TAF3: variants seen among roughly 807,000 people sequenced by gnomAD.
The protein encoded by TAF3 is TATA-box binding protein associated factor 3, also known as transcription initiation factor TFIID subunit 3.
TAF3 carries 7 observed loss-of-function variants against 80.6 expected under a neutral mutation model. The observed-to-expected ratio is 0.09, with a 90% CI of 0.05 to 0.16. TAF3 has a LOEUF of 0.16. Among genes scored for constraint, TAF3 ranks in the 10% least tolerant of loss-of-function variants. The probability of loss-of-function intolerance (pLI) is 1.00; values close to 1 mark genes in which losing one functional copy is unlikely to be tolerated. For missense variants in TAF3, 921 were observed against 1,140.2 expected (o/e 0.81, Z 2.77); for synonymous variants, 444 against 446.1 (o/e 1.00, Z 0.06).
chr10:8,014,071 C>G (rs943078807), intron 6 of TAF3, among the ~76,000 whole-genome samples: 2 of 145,136 alleles, frequency 1.4e-5, no homozygotes, highest in African/African-American at 4.9e-5. Flanking sequence ...CTTATCTATC[C>G]TTCTTATTAA....
At chr10:7,996,333 G>T (rs1286595350) in intron 4 of TAF3, among the ~76,000 whole-genome samples, 2 of 152,154 alleles carry the variant, frequency 1.3e-5, no homozygotes, top group Non-Finnish European at 2.9e-5. Flanking sequence ...CCACAGTGTA[G>T]CTGGCTGTCC....
intron 4 of TAF3, among the ~76,000 whole-genome samples, chr10:7,984,888 C>G (rs1831761526): frequency 6.6e-6 from 1 of 152,178 alleles, no homozygotes; most frequent in Admixed American, 6.5e-5. Context: ...ACTACTCACA[C>G]TTCTGGCATT....
chr10:7,984,797 C>A (rs1474349701), intron 4 of TAF3, among the ~76,000 whole-genome samples: 1 of 152,142 alleles, frequency 6.6e-6, no homozygotes, highest in Non-Finnish European at 1.5e-5. Flanking sequence ...TGTTCCTTAA[C>A]CTGTGACAGG....
Position 7,990,727 on chromosome 10 carries a change from A to C in TAF3, c.2315+13404A>C, listed in dbSNP as rs116177008. Among the ~76,000 whole-genome samples the C allele has an allele frequency of 7.4e-3, 1,134 of 152,306 alleles. 18 individuals carry two copies. The highest frequency in any genetic ancestry group is 0.026 in the African/African-American group (1,074 of 41,552). ...CAATTCAGAGATTCCCCATCAGTTC[A>C]AAGGTCTCTGTAGGGCCTGTATTGT... On this transcript the variant is annotated intron_variant, in intron 4 of 6. Transcript: ENST00000344293.
chr10:7,992,442 G>A (rs866124807), intron 4 of TAF3, among the ~76,000 whole-genome samples: 16 of 152,198 alleles, frequency 1.1e-4, no homozygotes, highest in Middle Eastern at 6.8e-3. Context: ...CACAGTAGAC[G>A]GTAGGAAGTG....
chr10:7,971,805 G>T (rs930239830), intron 3 of TAF3, among the ~76,000 whole-genome samples: 2 of 152,156 alleles, frequency 1.3e-5, no homozygotes, highest in African/African-American at 4.8e-5. Context: ...GAGGTGTGTG[G>T]CGAAGAAGCT....
intron 4 of TAF3, among the ~76,000 whole-genome samples, chr10:7,983,712 A>G (rs115092760): frequency 0.024 from 3,644 of 152,162 alleles, 155 homozygotes; most frequent in African/African-American, 0.082. Context: ...AGTGGCGTGC[A>G]CCTATACTCC....
chr10:7,964,773 T>C lies in TAF3; in HGVS notation c.1263T>C (p.Thr421=), dbSNP rs1294478053. ...SGSESEGDIF[T]SPKRISGPEC... The stretch of plus-strand genomic sequence containing the variant: ...CGGAATCTGAAGGAGACATTTTTAC[T>C]AGCCCTAAGAGAATTTCAGGCCCGG... The change falls in exon 3 of 7, where the codon ACT becomes ACC. Residue 421 remains threonine, a synonymous_variant. Coordinates refer to ENST00000344293, the MANE Select transcript of TAF3 (RefSeq NM_031923.4). This position sits in a 1 kb window ranked among gnomAD's most constrained non-coding sequence, Gnocchi z 4.1. The C allele has an allele frequency of 3.1e-6, 5 of 1,614,204 alleles. No homozygotes were observed. Among genetic ancestry groups the C allele is most frequent in the South Asian group, 1.1e-5 (1 of 91,082 alleles).
intron 4 of TAF3, among the ~76,000 whole-genome samples, chr10:7,988,600 A>AAAAAAAC (rs1831801807): frequency 7.0e-6 from 1 of 143,146 alleles, no homozygotes; most frequent in Non-Finnish European, 1.5e-5. Flanking sequence ...AAAAAAAAAA[A>AAAAAAAC]AGAAGCCAGA....
chr10:7,860,290 G>GA (rs928520189), intron 2 of TAF3, among the ~76,000 whole-genome samples: 71 of 135,756 alleles, frequency 5.2e-4, no homozygotes, highest in East Asian at 1.5e-3. Context: ...AAAAAAAGAA[G>GA]AAAAAAAAAA....
intron 3 of TAF3, among the ~76,000 whole-genome samples, chr10:7,976,413 ATT>A (rs1220558314): frequency 1.6e-4 from 21 of 128,588 alleles, no homozygotes; most frequent in East Asian, 2.2e-4. Context: ...TGACTGGCTA[ATT>A]TTTTTTTTTT....
At chr10:8,014,166 G>A (rs1255096764) in intron 6 of TAF3, among the ~76,000 whole-genome samples, 1 of 152,156 alleles carries the variant, frequency 6.6e-6, no homozygotes, top group Non-Finnish European at 1.5e-5. Context: ...CACTGGCCAG[G>A]ACCACGAAGA....
intron 2 of TAF3, among the ~76,000 whole-genome samples, chr10:7,920,256 A>G (rs1837750019): frequency 6.6e-6 from 1 of 151,464 alleles, no homozygotes. Context: ...TCTTGAGTAA[A>G]TAAATAATTT....
chr10:7,948,994 G>A (rs1047799469), intron 2 of TAF3, among the ~76,000 whole-genome samples: 10 of 152,240 alleles, frequency 6.6e-5, no homozygotes, highest in African/African-American at 2.2e-4. Context: ...GGTGCTGGGC[G>A]GGTGGGGAGC....
intron 1 of TAF3, among the ~76,000 whole-genome samples, chr10:7,823,562 G>C (rs1836710078): frequency 6.6e-6 from 1 of 151,930 alleles, no homozygotes; most frequent in Non-Finnish European, 1.5e-5. Context: ...CTTGAGCCTA[G>C]AAGTTTGAGG....
chr10:7,883,265 C>T (rs1452666949), intron 2 of TAF3, among the ~76,000 whole-genome samples: 1 of 152,218 alleles, frequency 6.6e-6, no homozygotes, highest in Non-Finnish European at 1.5e-5. Context: ...CCTTTCATGA[C>T]CTCACCACTT....
At chr10:7,842,827 T>G (rs967223941) in intron 2 of TAF3, among the ~76,000 whole-genome samples, 1 of 152,230 alleles carries the variant, frequency 6.6e-6, no homozygotes, top group Non-Finnish European at 1.5e-5. Context: ...TTTACAGATC[T>G]TAGATATGAT....
intron 2 of TAF3, among the ~76,000 whole-genome samples, chr10:7,921,600 G>C (rs1479081020): frequency 6.6e-6 from 1 of 152,122 alleles, no homozygotes; most frequent in Non-Finnish European, 1.5e-5. Flanking sequence ...CACTTACACA[G>C]ATATATTTGT....
intron 2 of TAF3, among the ~76,000 whole-genome samples, chr10:7,953,138 C>T (rs986762500): frequency 2.0e-5 from 3 of 152,206 alleles, no homozygotes; most frequent in African/African-American, 7.2e-5. Flanking sequence ...GTGTTCTACA[C>T]TCACCTAATC....
Sources: gnomAD v4.1 joint callset for allele counts (sites outside exome capture counted in the v4.1 genomes callset) on GRCh38, gnomAD v4.1.1 for gene constraint, Gnocchi (gnomAD v3.1) non-coding constraint, MANE v1.5 for transcripts, NCBI Gene and HGNC (gene_info 2026-07-23, HGNC 2026-07-21) for gene names.